ARHGEF9: variants seen among roughly 807,000 people sequenced by gnomAD.
ARHGEF9 encodes the protein rho guanine nucleotide exchange factor 9.
A neutral mutation model predicts 41.3 loss-of-function variants in ARHGEF9; 2 were observed. That is an observed-to-expected ratio of 0.05 (90% CI 0.02 to 0.15). The LOEUF is 0.15. Among genes scored for constraint, ARHGEF9 ranks in the 10% least tolerant of loss-of-function variants. The pLI is 1.00. For synonymous variants in ARHGEF9, 160 were observed against 154.4 expected (o/e 1.04, Z -0.27); for missense variants, 225 against 424.7 (o/e 0.53, Z 4.13).
chrX:63,716,582 C>T (rs2053317276), intron 2 of ARHGEF9, among the ~76,000 whole-genome samples: 1 of 111,565 alleles, frequency 9.0e-6, no homozygotes, highest in South Asian at 3.8e-4. Flanking sequence ...GTCCTTCATT[C>T]TACAAATTAA....
chrX:63,649,127 C>T (rs1556322140), intron 8 of ARHGEF9, among the ~76,000 whole-genome samples: 1 of 111,788 alleles, frequency 8.9e-6, no homozygotes, highest in Non-Finnish European at 1.9e-5. Flanking sequence ...GAACTCTCCA[C>T]CCCAAATCAA....
At chrX:63,646,863 C>T (rs2048125791) in intron 8 of ARHGEF9, among the ~76,000 whole-genome samples, 1 of 111,759 alleles carries the variant, frequency 8.9e-6, no homozygotes, top group South Asian at 3.8e-4. Context: ...TACCCATGAG[C>T]ATGGAATGTT....
intron 1 of ARHGEF9, among the ~76,000 whole-genome samples, chrX:63,771,896 C>G (rs1364565980): frequency 9.0e-6 from 1 of 111,351 alleles, no homozygotes; most frequent in Non-Finnish European, 1.9e-5. Context: ...AAAGTCTGAC[C>G]TTCCCTGAGC....
At chrX:63,688,605 C>G (rs1238254526) in intron 4 of ARHGEF9, among the ~76,000 whole-genome samples, 6 of 111,559 alleles carry the variant, frequency 5.4e-5, no homozygotes, top group Non-Finnish European at 9.4e-5. Flanking sequence ...TCCATCTGTA[C>G]TAAAAAATAC....
chrX:63,640,478 AG>A (rs1356711225), intron 9 of ARHGEF9: 1 of 112,126 alleles, frequency 8.9e-6, no homozygotes, highest in East Asian at 2.8e-4. Context: ...GCTGGCCCCA[AG>A]GCCTCTGGAG....
rs1202424935 is a variant in ARHGEF9, at chrX:63,769,038, C to T, written c.30+16078G>A. 3.6e-5 allele frequency among the ~76,000 whole-genome samples: 4 copies of T among 111,578 alleles called. No individual in the cohort carries two copies. In the Admixed American group the frequency reaches 3.8e-4, roughly 11 times the overall value. On this transcript the variant is annotated intron_variant, in intron 1 of 9. Transcript: ENST00000671741. ...AGAAACTTTGGAACTGGGTAACAGGCAGAGGTTGAAACAGTTTGAAGGGCT... is the reference window on the plus strand; with the variant it reads ...AGAAACTTTGGAACTGGGTAACAGGTAGAGGTTGAAACAGTTTGAAGGGCT...
chrX:63,708,382 G>C (rs1569482964), intron 2 of ARHGEF9, among the ~76,000 whole-genome samples: 6 of 112,149 alleles, frequency 5.4e-5, no homozygotes, highest in Admixed American at 4.7e-4. Context: ...GCTGGAATAA[G>C]ATGAATATTT....
At chrX:63,686,673 A>G (rs1374507469) in intron 4 of ARHGEF9, among the ~76,000 whole-genome samples, 2 of 111,437 alleles carry the variant, frequency 1.8e-5, no homozygotes, top group African/African-American at 6.5e-5. Context: ...TAATTCTCAT[A>G]ACTGAGAATG....
intron 2 of ARHGEF9, among the ~76,000 whole-genome samples, chrX:63,720,705 CAG>C (rs1334057813): frequency 8.9e-6 from 1 of 112,007 alleles, no homozygotes; most frequent in Non-Finnish European, 1.9e-5. Flanking sequence ...CATGTTGCCT[CAG>C]TATTTATACA....
At chrX:63,689,422 A>C (rs1187236290) in intron 4 of ARHGEF9, among the ~76,000 whole-genome samples, 1 of 112,240 alleles carries the variant, frequency 8.9e-6, no homozygotes, top group African/African-American at 3.2e-5. Context: ...TATAATAATA[A>C]ATGGGTCAAT....
chrX:63,679,757 T>A (rs1556366897), intron 4 of ARHGEF9, among the ~76,000 whole-genome samples: 1 of 112,046 alleles, frequency 8.9e-6, no homozygotes, highest in East Asian at 2.8e-4. Flanking sequence ...AAATATTGAA[T>A]GCTTGCCCCT....
chrX:63,693,629 AC>A (rs1439993767), intron 4 of ARHGEF9, among the ~76,000 whole-genome samples: 2 of 107,698 alleles, frequency 1.9e-5, no homozygotes, highest in Admixed American at 2.0e-4. Context: ...AAAAAAAAAA[AC>A]CACATGTACC....
chrX:63,735,215 G>C (rs2054536875), intron 1 of ARHGEF9, among the ~76,000 whole-genome samples: 1 of 111,777 alleles, frequency 8.9e-6, no homozygotes, highest in South Asian at 3.7e-4. Context: ...CTCATCTTAA[G>C]GTCTGCATCT....
intron 4 of ARHGEF9, among the ~76,000 whole-genome samples, chrX:63,688,975 C>T (rs1265232151): frequency 9.0e-6 from 1 of 111,186 alleles, no homozygotes; most frequent in Non-Finnish European, 1.9e-5. Flanking sequence ...AAAGCAAAAA[C>T]CTGTAAAAGA....
chrX:63,648,126 G>A (rs1297096013), intron 8 of ARHGEF9, among the ~76,000 whole-genome samples: 2 of 110,692 alleles, frequency 1.8e-5, no homozygotes, highest in African/African-American at 6.6e-5. Flanking sequence ...CTCGAAAAGA[G>A]CAACTCCAAG....
chrX:63,754,809 T>C (rs1556445181), intron 1 of ARHGEF9: 1 of 938,614 alleles, frequency 1.1e-6, no homozygotes, highest in African/African-American at 2.1e-5. Context: ...TGATCGTTTG[T>C]CCCTAGCTGA....
At chrX:63,701,345 G>T (rs1483389934) in intron 3 of ARHGEF9, 3 of 110,587 alleles carry the variant, frequency 2.7e-5, no homozygotes, top group African/African-American at 9.9e-5. Context: ...ACATTCTAGG[G>T]GTTTCATATG....
chrX:63,770,349 C>T (rs1219101282), intron 1 of ARHGEF9, among the ~76,000 whole-genome samples: 1 of 112,431 alleles, frequency 8.9e-6, no homozygotes, highest in Non-Finnish European at 1.9e-5. Flanking sequence ...GGGCCTGGAG[C>T]CCCTTTGTTT....
At chrX:63,751,244 CA>C (rs1291134129) in intron 1 of ARHGEF9, among the ~76,000 whole-genome samples, 1 of 110,599 alleles carries the variant, frequency 9.0e-6, no homozygotes, top group African/African-American at 3.3e-5. Context: ...ACTTCTCACC[CA>C]TTTACAGTGG....
Sources: allele counts gnomAD v4.1 joint callset (sites outside exome capture counted in the v4.1 genomes callset), GRCh38; gene constraint gnomAD v4.1.1; transcripts MANE v1.5; gene names NCBI Gene and HGNC (gene_info 2026-07-23, HGNC 2026-07-21).